The following AOAH variants were observed in gnomAD, a reference collection of about 807,000 sequenced individuals.
The protein encoded by AOAH is acyloxyacyl hydrolase, also known as acyloxyacyl hydrolase (neutrophil).
In AOAH, 64 loss-of-function variants were observed where a neutral mutation model predicts 92.2. The ratio of observed to expected loss-of-function variants is 0.69; its 90% CI spans 0.57 to 0.86. The LOEUF (loss-of-function observed/expected upper bound fraction) is 0.86, where lower values mean the gene tolerates loss of function less well. Among genes scored for constraint, AOAH ranks in the 40% least tolerant of loss-of-function variants. The probability of loss-of-function intolerance (pLI) is 0.00; values close to 1 mark genes in which losing one functional copy is unlikely to be tolerated. For synonymous variants in AOAH, 263 were observed against 254.5 expected (o/e 1.03, Z -0.32); for missense variants, 656 against 694.6 (o/e 0.94, Z 0.62).
In AOAH at chr7:36,659,204, T is replaced by C. The variant is rs776226053; in HGVS notation, c.352A>G (p.Thr118Ala). Residue 118 changes from threonine to alanine, a missense_variant, in exon 4 of 21, where the codon ACT (threonine) becomes GCT (alanine). Thr to Ala is a moderately conservative substitution (Grantham distance 58). Transcript: ENST00000617537. ...CHTLEFCKQN[T>A]GQPLCHLYPL... ...TAGAGATGACACAATGGTTGGCCAG[T>C]GTTCTGTTTACAAAACTCCAGAGTG... 11 of 1,614,016 alleles carry C rather than the reference T, an allele frequency of 6.8e-6. No individual in the cohort carries two copies. The highest frequency in any genetic ancestry group is 6.7e-5 in the Admixed American group (4 of 60,006).
intron 13 of AOAH, among the ~76,000 whole-genome samples, chr7:36,552,957 T>C (rs1482569043): frequency 6.8e-6 from 1 of 147,048 alleles, no homozygotes; most frequent in Non-Finnish European, 1.5e-5. Flanking sequence ...CCACATTTTC[T>C]TTTTTTTTTT....
At chr7:36,691,785 C>G (rs1375225158) in intron 1 of AOAH, among the ~76,000 whole-genome samples, 2 of 152,176 alleles carry the variant, frequency 1.3e-5, no homozygotes, top group Non-Finnish European at 2.9e-5. Flanking sequence ...TTGTGACTTG[C>G]TTTGACCAGT....
Position 36,716,416 on chromosome 7 carries a change from G to C in AOAH, c.127+7606C>G, listed in dbSNP as rs544744743. On this transcript the variant is annotated intron_variant, in intron 1 of 20. Coordinates refer to ENST00000617537, the MANE Select transcript of AOAH (RefSeq NM_001637.4). Reference sequence around the variant, plus strand: ...TAACCATTGTGGAAATCAGCGTGGCGATTCCTCAGGGATCTAGAACTAGAA... The same window carrying C: ...TAACCATTGTGGAAATCAGCGTGGCCATTCCTCAGGGATCTAGAACTAGAA... Among the ~76,000 whole-genome samples the C allele has an allele frequency of 1.1e-4, 17 of 149,828 alleles. 1 individual carries two copies. Among genetic ancestry groups the C allele is most frequent in the African/African-American group, 4.0e-4 (16 of 39,846 alleles).
chr7:36,652,401 G>A (rs1794631787), intron 4 of AOAH, among the ~76,000 whole-genome samples: 1 of 152,214 alleles, frequency 6.6e-6, no homozygotes, highest in African/African-American at 2.4e-5. Context: ...GGAGGAGAGA[G>A]ATGTTTTTTA....
chr7:36,714,631 G>T, intron 1 of AOAH, among the ~76,000 whole-genome samples: 1 of 152,162 alleles, frequency 6.6e-6, no homozygotes, highest in Non-Finnish European at 1.5e-5. Flanking sequence ...TATCCACCAT[G>T]ATCAAGTGGG....
chr7:36,567,307 C>T (rs910340799), intron 13 of AOAH, among the ~76,000 whole-genome samples: 52 of 152,042 alleles, frequency 3.4e-4, no homozygotes, highest in Admixed American at 2.2e-3. Context: ...ACCCAAATAG[C>T]GGACAGTATG....
At chr7:36,681,434 A>C (rs1436577935) in intron 2 of AOAH, among the ~76,000 whole-genome samples, 1 of 152,242 alleles carries the variant, frequency 6.6e-6, no homozygotes, top group Non-Finnish European at 1.5e-5. Flanking sequence ...CAACGCATAC[A>C]GTAGACCATT....
chr7:36,656,238 G>A (rs1490779498), intron 4 of AOAH, among the ~76,000 whole-genome samples: 1 of 152,180 alleles, frequency 6.6e-6, no homozygotes, highest in Non-Finnish European at 1.5e-5. Context: ...CCCAACACGG[G>A]ATGAAACTCA....
chr7:36,540,082 C>T (rs1785318988), intron 16 of AOAH, among the ~76,000 whole-genome samples: 1 of 152,176 alleles, frequency 6.6e-6, no homozygotes, highest in South Asian at 2.1e-4. Context: ...ACTTACCTTT[C>T]AATGTGTCCC....
At chr7:36,530,873 A>C (rs1784650399) in intron 18 of AOAH, among the ~76,000 whole-genome samples, 1 of 152,226 alleles carries the variant, frequency 6.6e-6, no homozygotes, top group African/African-American at 2.4e-5. Context: ...TATGGATCAA[A>C]TCCTTAAACA....
At chr7:36,583,476 CT>C (rs1366304189) in intron 12 of AOAH, among the ~76,000 whole-genome samples, 1 of 152,096 alleles carries the variant, frequency 6.6e-6, no homozygotes, top group Non-Finnish European at 1.5e-5. Flanking sequence ...TGTGTAACCC[CT>C]AACTCACTAC....
At chr7:36,713,880 A>T (rs895700825) in intron 1 of AOAH, among the ~76,000 whole-genome samples, 1 of 152,228 alleles carries the variant, frequency 6.6e-6, no homozygotes, top group Admixed American at 6.5e-5. Context: ...AGCAGGAAAG[A>T]TCTAAAATTG....
At chr7:36,677,924 T>A (rs1796353941) in intron 2 of AOAH, among the ~76,000 whole-genome samples, 2 of 152,144 alleles carry the variant, frequency 1.3e-5, no homozygotes, top group South Asian at 4.1e-4. Context: ...AGAAAGTAGA[T>A]TAGTGGTTTC....
chr7:36,616,524 A>G (rs748027467), intron 10 of AOAH, 50 bp from the exon 11 acceptor site: 29 of 1,491,166 alleles, frequency 1.9e-5, no homozygotes, highest in African/African-American at 2.8e-5. Context: ...GTAGTTTGGA[A>G]CCTCCAGACT....
intron 11 of AOAH, among the ~76,000 whole-genome samples, chr7:36,608,392 C>T (rs957806881): frequency 6.6e-6 from 1 of 152,200 alleles, no homozygotes; most frequent in Admixed American, 6.5e-5. Context: ...TTTGCAGGCT[C>T]TGTGGACATG....
chr7:36,609,102 C>T (rs78603004), intron 11 of AOAH, among the ~76,000 whole-genome samples: 2,162 of 152,176 alleles, frequency 0.014, 78 homozygotes, highest in East Asian at 0.097. Context: ...GGTGAGTCAT[C>T]TGGCTGGGGT....
chr7:36,647,224 G>A (rs11771672), intron 4 of AOAH, among the ~76,000 whole-genome samples: 29,862 of 152,160 alleles, frequency 0.2, 3,239 homozygotes, highest in Middle Eastern at 0.24. Flanking sequence ...TGTGAAGAAC[G>A]GAGATGAATC....
rs532732238 is a variant in AOAH, at chr7:36,559,056, C to A, written c.1022-9581G>T. 2.0e-5 allele frequency among the ~76,000 whole-genome samples: 3 copies of A among 152,356 alleles called. No homozygotes were observed. The East Asian group carries it at 5.8e-4, about 29-fold the overall frequency. ...CTCAGATGGAAATGCAGAAATCACC[C>A]ATCTTCTGTGTCACTCACGCTGGCA... On this transcript the variant is annotated intron_variant, in intron 13 of 20. Transcript: ENST00000617537.
At position 36,724,108 on chromosome 7, in the gene AOAH, A is replaced by AATAGAGG; in HGVS notation, c.34_40dup (p.Phe14SerfsTer18). On this transcript the variant is annotated frameshift_variant, in exon 1 of 21. Coordinates refer to ENST00000617537, the MANE Select transcript of AOAH (RefSeq NM_001637.4). LOFTEE classifies it high-confidence loss of function. The stretch of plus-strand genomic sequence containing the variant: ...CGAGGACTGAAGAGACAGGAGCAAG[A>AATAGAGG]ATAGAGGCGCCACCGTAAGGATTTT... The AATAGAGG allele has an allele frequency of 6.2e-7, 1 of 1,613,542 alleles. No individual in the cohort carries two copies. Among genetic ancestry groups the AATAGAGG allele is most frequent in the Non-Finnish European group, 8.5e-7 (1 of 1,179,692 alleles).
Sources: allele counts gnomAD v4.1 joint callset (sites outside exome capture counted in the v4.1 genomes callset), GRCh38; gene constraint gnomAD v4.1.1; transcripts MANE v1.5; gene names NCBI Gene and HGNC (gene_info 2026-07-23, HGNC 2026-07-21).